CDK8: variants seen among roughly 807,000 people sequenced by gnomAD.
The protein encoded by CDK8 is cyclin-dependent kinase 8.
A neutral mutation model predicts 71.5 loss-of-function variants in CDK8; 29 were observed. The ratio of observed to expected loss-of-function variants is 0.41; its 90% CI spans 0.30 to 0.55. The LOEUF is 0.55. Ranked by LOEUF, CDK8 falls within the 20% of genes least tolerant of loss-of-function variation. The probability of loss-of-function intolerance (pLI) is 0.37; values close to 1 mark genes in which losing one functional copy is unlikely to be tolerated. For missense variants in CDK8, 288 were observed against 572.6 expected (o/e 0.50, Z 5.07); for synonymous variants, 161 against 192.1 (o/e 0.84, Z 1.34).
intron 1 of CDK8, among the ~76,000 whole-genome samples, chr13:26,285,066 C>G (rs1395332031): frequency 2.0e-5 from 3 of 152,042 alleles, no homozygotes; most frequent in Non-Finnish European, 2.9e-5. Context: ...TGTTGAAACC[C>G]TGTCTCTACT....
At chr13:26,329,541 C>T (rs189627791) in intron 1 of CDK8, among the ~76,000 whole-genome samples, 4 of 137,574 alleles carry the variant, frequency 2.9e-5, no homozygotes, top group Non-Finnish European at 3.1e-5. Flanking sequence ...TTGCACTTGT[C>T]GCCCAGGCTG....
chr13:26,378,934 A>T (rs1478303435), intron 4 of CDK8, among the ~76,000 whole-genome samples: 1 of 152,234 alleles, frequency 6.6e-6, no homozygotes, highest in Non-Finnish European at 1.5e-5. Flanking sequence ...AACAAAAATT[A>T]TTCATCAAGT....
intron 1 of CDK8, among the ~76,000 whole-genome samples, chr13:26,270,973 C>T (rs996263913): frequency 6.6e-6 from 1 of 152,134 alleles, no homozygotes; most frequent in Non-Finnish European, 1.5e-5. Flanking sequence ...ACGTTCTTGC[C>T]AACACTTGTT....
intron 1 of CDK8, among the ~76,000 whole-genome samples, chr13:26,264,312 G>A (rs1314319467): frequency 2.6e-5 from 4 of 151,596 alleles, no homozygotes; most frequent in African/African-American, 7.3e-5. Flanking sequence ...TTGAGACAGG[G>A]TCTCACTCTG....
At chr13:26,350,261 T>C (rs1458931217) in intron 3 of CDK8, among the ~76,000 whole-genome samples, 2 of 152,252 alleles carry the variant, frequency 1.3e-5, no homozygotes, top group Non-Finnish European at 2.9e-5. Context: ...ATGAGAGCTC[T>C]ATTACAAAAT....
chr13:26,271,891 A>C (rs977034164), intron 1 of CDK8, among the ~76,000 whole-genome samples: 1 of 138,328 alleles, frequency 7.2e-6, no homozygotes, highest in Non-Finnish European at 1.5e-5. Flanking sequence ...ACTTACCATG[A>C]ATGGAACTTA....
rs543773513 is a variant in CDK8 at position 26,334,089 on chromosome 13, T to C, written c.129-3478T>C. Among the ~76,000 whole-genome samples the C allele has an allele frequency of 3.3e-5, 5 of 152,356 alleles. No individual in the cohort carries two copies. The East Asian group carries it at 9.6e-4, about 29-fold the overall frequency. Reference sequence around the variant, plus strand: ...TATTTTTCTCCATTGCACATTTCTTTCTAATAATCTACTTTTATAAAGTAA... The same window carrying C: ...TATTTTTCTCCATTGCACATTTCTTCCTAATAATCTACTTTTATAAAGTAA... On this transcript the variant is annotated intron_variant, in intron 1 of 12. Coordinates refer to ENST00000381527, the MANE Select transcript of CDK8 (RefSeq NM_001260.3).
chr13:26,288,269 A>C (rs920327542), intron 1 of CDK8, among the ~76,000 whole-genome samples: 11 of 151,964 alleles, frequency 7.2e-5, no homozygotes, highest in African/African-American at 2.7e-4. Flanking sequence ...GCCTAGTGCA[A>C]CTTAATTTAT....
chr13:26,342,527 C>G (rs1467174382), intron 2 of CDK8, among the ~76,000 whole-genome samples: 1 of 152,262 alleles, frequency 6.6e-6, no homozygotes, highest in East Asian at 1.9e-4. Flanking sequence ...TGGGACAGTG[C>G]CTGGCGTGTA....
chr13:26,312,530 C>T (rs891247319), intron 1 of CDK8, among the ~76,000 whole-genome samples: 3 of 152,116 alleles, frequency 2.0e-5, no homozygotes, highest in African/African-American at 7.2e-5. Context: ...CGAAGGTCTG[C>T]GGCTTCACTC....
intron 1 of CDK8, among the ~76,000 whole-genome samples, chr13:26,267,238 GT>G (rs1282193718): frequency 6.6e-6 from 1 of 152,194 alleles, no homozygotes; most frequent in African/African-American, 2.4e-5. Flanking sequence ...AGGGATGTCA[GT>G]AAATATGCGT....
At chr13:26,260,363 T>A (rs776125221) in intron 1 of CDK8, among the ~76,000 whole-genome samples, 9 of 152,140 alleles carry the variant, frequency 5.9e-5, no homozygotes, top group Non-Finnish European at 1.0e-4. Context: ...ATGAGAACAT[T>A]GGCCATTCAA....
intron 1 of CDK8, among the ~76,000 whole-genome samples, chr13:26,295,145 C>T (rs1873490743): frequency 6.6e-6 from 1 of 152,092 alleles, no homozygotes; most frequent in African/African-American, 2.4e-5. Flanking sequence ...TATGGTGACT[C>T]TAGGAAATGT....
intron 2 of CDK8, among the ~76,000 whole-genome samples, chr13:26,348,525 C>T (rs372536496): frequency 3.7e-4 from 57 of 152,234 alleles, no homozygotes; most frequent in African/African-American, 1.4e-3. Context: ...TGAGGTGAAA[C>T]GGTTTCATCT....
chr13:26,294,741 A>G (rs1308177914), intron 1 of CDK8, among the ~76,000 whole-genome samples: 1 of 151,704 alleles, frequency 6.6e-6, no homozygotes, highest in Non-Finnish European at 1.5e-5. Flanking sequence ...TGTTCATGAT[A>G]GTTTCTTTTT....
chr13:26,318,818 T>C (rs1272221371), intron 1 of CDK8, among the ~76,000 whole-genome samples: 1 of 152,084 alleles, frequency 6.6e-6, no homozygotes, highest in East Asian at 1.9e-4. Flanking sequence ...TACCTCAACA[T>C]GATATGAGCT....
At chr13:26,397,386 A>T (rs1876046869) in intron 9 of CDK8, among the ~76,000 whole-genome samples, 161 bp downstream of exon 9, 1 of 152,162 alleles carries the variant, frequency 6.6e-6, no homozygotes, top group Non-Finnish European at 1.5e-5. Flanking sequence ...TAAAGACAAT[A>T]AACTATTTGC....
At position 26,401,156 on chromosome 13, in the gene CDK8, G is replaced by A; in HGVS notation, c.1032-113G>A. 1 of 815,626 alleles carries A rather than the reference G, an allele frequency of 1.2e-6. No homozygotes were observed. Among genetic ancestry groups the A allele is most frequent in the Non-Finnish European group, 2.0e-6 (1 of 510,576 alleles). 50.5% of individuals were successfully genotyped at this position (815,626 alleles called of 1,614,324 possible). ...AGTTACATGAAAGGTGCTTATATTT[G>A]CAAATATGGAGACAAAGTTCATCTT... On this transcript the variant is annotated intron_variant, in intron 10 of 12. Transcript: ENST00000381527. The surrounding 1 kb of genome is among the most constrained non-coding windows in gnomAD (Gnocchi z 4.5).
intron 8 of CDK8, among the ~76,000 whole-genome samples, chr13:26,396,843 T>C (rs1352042538): frequency 1.3e-5 from 2 of 152,228 alleles, no homozygotes; most frequent in East Asian, 3.9e-4. Context: ...TAAGGCTGAA[T>C]TAAACTTTTG....
Sources: gnomAD v4.1 joint callset for allele counts (sites outside exome capture counted in the v4.1 genomes callset) on GRCh38, gnomAD v4.1.1 for gene constraint, Gnocchi (gnomAD v3.1) non-coding constraint, MANE v1.5 for transcripts, NCBI Gene and HGNC (gene_info 2026-07-23, HGNC 2026-07-21) for gene names.